PRKG1: variants seen among roughly 807,000 people sequenced by gnomAD.
The protein encoded by PRKG1 is protein kinase cGMP-dependent 1, also known as cGMP-dependent protein kinase 1.
Under a neutral mutation model 88.1 loss-of-function variants are expected in PRKG1, and 35 were observed. That is an observed-to-expected ratio of 0.40 (90% CI 0.30 to 0.53). The LOEUF is 0.53. PRKG1 is among the 20% of genes least tolerant of loss of function. PRKG1 has a pLI of 0.59. For synonymous variants in PRKG1, 303 were observed against 292.5 expected (o/e 1.04, Z -0.37); for missense variants, 540 against 839.8 (o/e 0.64, Z 4.41).
chr10:51,598,384 C>A (rs1352656608), intron 3 of PRKG1, among the ~76,000 whole-genome samples: 1 of 152,172 alleles, frequency 6.6e-6, no homozygotes, highest in Non-Finnish European at 1.5e-5. Context: ...AGAGATTCTC[C>A]TGCCTTAGCC....
intron 4 of PRKG1, among the ~76,000 whole-genome samples, chr10:51,823,140 T>C (rs190473968): frequency 7.2e-4 from 110 of 152,264 alleles, no homozygotes; most frequent in Non-Finnish European, 1.4e-3. Flanking sequence ...TAAATGTAGA[T>C]AGATACAACA....
At chr10:51,205,642 T>C (rs1044939354) in intron 2 of PRKG1, among the ~76,000 whole-genome samples, 7 of 151,944 alleles carry the variant, frequency 4.6e-5, no homozygotes, top group African/African-American at 1.5e-4. Context: ...TTCAAGTGAT[T>C]CTCCTGCCTC....
intron 9 of PRKG1, among the ~76,000 whole-genome samples, chr10:52,222,036 A>G (rs1840257577): frequency 6.6e-6 from 1 of 152,156 alleles, no homozygotes; most frequent in Non-Finnish European, 1.5e-5. Context: ...AGATGAGTGT[A>G]TTAGGTCACC....
chr10:51,239,379 A>AC (rs1238558782), intron 2 of PRKG1, among the ~76,000 whole-genome samples: 1 of 152,248 alleles, frequency 6.6e-6, no homozygotes, highest in Admixed American at 6.5e-5. Context: ...TATCACACTA[A>AC]CAAGTGTATA....
chr10:52,198,538 CATT>C (rs1287013631), intron 9 of PRKG1, among the ~76,000 whole-genome samples: 1 of 152,060 alleles, frequency 6.6e-6, no homozygotes, highest in African/African-American at 2.4e-5. Context: ...GTAGTAATGA[CATT>C]ATATTAGTTT....
intron 7 of PRKG1, among the ~76,000 whole-genome samples, chr10:52,121,943 G>A (rs538272730): frequency 6.6e-5 from 10 of 152,062 alleles, no homozygotes; most frequent in South Asian, 2.1e-4. Flanking sequence ...CTACTTCCAC[G>A]TTTTCAGATA....
chr10:51,905,189 G>A (rs1247950563), intron 4 of PRKG1, among the ~76,000 whole-genome samples: 3 of 152,078 alleles, frequency 2.0e-5, no homozygotes, highest in Admixed American at 1.3e-4. Context: ...ATGTGATATG[G>A]TCCATCCAGC....
intron 2 of PRKG1, among the ~76,000 whole-genome samples, chr10:51,402,428 T>C (rs1393613836): frequency 6.6e-6 from 1 of 152,222 alleles, no homozygotes; most frequent in Non-Finnish European, 1.5e-5. Context: ...GCATTTACCC[T>C]CTGCCATAGA....
intron 2 of PRKG1, among the ~76,000 whole-genome samples, chr10:51,171,816 C>G (rs933093139): frequency 1.2e-4 from 18 of 151,996 alleles, no homozygotes; most frequent in Admixed American, 1.2e-3. Flanking sequence ...GCCCACTGTT[C>G]CAGCACACAG....
At chr10:51,427,891 G>A (rs1838637709) in intron 2 of PRKG1, among the ~76,000 whole-genome samples, 1 of 152,152 alleles carries the variant, frequency 6.6e-6, no homozygotes, top group Non-Finnish European at 1.5e-5. Context: ...ACACCAGGTG[G>A]TGAAGAATTA....
At position 51,775,951 on chromosome 10, in the gene PRKG1, C is replaced by G. The variant is rs576982368; in HGVS notation, c.593-28634C>G. Among the ~76,000 whole-genome samples, 10 of 152,248 alleles carry G rather than the reference C, an allele frequency of 6.6e-5. No homozygotes were observed. In the East Asian group the frequency reaches 1.9e-3, roughly 29 times the overall value. ...ACCCTTTATATTATTTTCTCACGTT[C>G]TGTTTCCATTGTTATTCCTTTCTTT... On this transcript the variant is annotated intron_variant, in intron 3 of 17. Transcript: ENST00000373980.
rs181333187 is a variant in PRKG1, at chr10:52,025,429, T to A, written c.763-29055T>A. Among the ~76,000 whole-genome samples, 381 of 152,164 alleles carry A rather than the reference T, an allele frequency of 2.5e-3. 2 individuals carry two copies. Among genetic ancestry groups the A allele is most frequent in the African/African-American group, 8.5e-3 (354 of 41,542 alleles). On this transcript the variant is annotated intron_variant, in intron 5 of 17. Transcript: ENST00000373980. ...GCCTATGTCCTGAATGGTATTGCCT[T>A]GGTTTTCTTCTAGGGTTTTTATGGC...
intron 2 of PRKG1, among the ~76,000 whole-genome samples, chr10:51,199,291 ACT>A (rs1837852003): frequency 6.6e-6 from 1 of 152,166 alleles, no homozygotes; most frequent in Non-Finnish European, 1.5e-5. Context: ...TGTATGCATG[ACT>A]CTCAGTCAAA....
chr10:51,816,537 A>ATG (rs35430934), intron 4 of PRKG1, among the ~76,000 whole-genome samples: 69,077 of 145,550 alleles, frequency 0.47, 18,026 homozygotes, highest in East Asian at 0.64. Flanking sequence ...TAATTTTGGC[A>ATG]TGTGTGTGTG....
At chr10:51,893,385 TATAAG>T (rs1350928969) in intron 4 of PRKG1, among the ~76,000 whole-genome samples, 1 of 151,996 alleles carries the variant, frequency 6.6e-6, no homozygotes, top group African/African-American at 2.4e-5. Flanking sequence ...TTTTTTGAAA[TATAAG>T]ATGTGCTCCC....
At chr10:52,121,765 C>T (rs567387336) in intron 7 of PRKG1, among the ~76,000 whole-genome samples, 1 of 152,306 alleles carries the variant, frequency 6.6e-6, no homozygotes, top group South Asian at 2.1e-4. Flanking sequence ...ACATTTTAAT[C>T]ATGACCAATT....
intron 1 of PRKG1, among the ~76,000 whole-genome samples, chr10:51,065,430 G>A (rs532792071): frequency 3.4e-4 from 51 of 152,094 alleles, no homozygotes; most frequent in African/African-American, 1.1e-3. Context: ...GTGACAGGAA[G>A]AAAACATAGT....
In PRKG1 at chr10:51,285,567, A is replaced by G. The variant is rs139333329; in HGVS notation, c.478+132237A>G. On this transcript the variant is annotated intron_variant, in intron 2 of 17. Coordinates refer to ENST00000373980, the MANE Select transcript of PRKG1 (RefSeq NM_006258.4). Reference sequence around the variant, plus strand: ...TATTTTCCTTTAGACAAGAGAGGGTAATGTGTAGGTTGTAGGAGACGACTT... The same window carrying G: ...TATTTTCCTTTAGACAAGAGAGGGTGATGTGTAGGTTGTAGGAGACGACTT... 7.6e-3 allele frequency among the ~76,000 whole-genome samples: 1,162 copies of G among 152,282 alleles called. 4 individuals carry two copies. The highest frequency in any genetic ancestry group is 0.013 in the Admixed American group (196 of 15,308).
Position 52,294,044 on chromosome 10 carries a change from G to A in PRKG1, c.*144G>A. ...CGATGCTGCTCCAGTAACTACAGTG[G>A]CATTAGGACTTACCGCTTAGATGAC... On this transcript the variant is annotated 3_prime_UTR_variant, in exon 18 of 18. Coordinates refer to ENST00000373980, the MANE Select transcript of PRKG1 (RefSeq NM_006258.4). 3 of 620,884 alleles carry A rather than the reference G, an allele frequency of 4.8e-6. No individual in the cohort carries two copies. In the South Asian group the frequency reaches 6.7e-5, roughly 14 times the overall value. The allele number at this position is 620,884 out of a possible 1,614,324, so 38.5% of individuals were successfully genotyped here.
Sources: gnomAD v4.1 joint callset for allele counts (sites outside exome capture counted in the v4.1 genomes callset) on GRCh38, gnomAD v4.1.1 for gene constraint, MANE v1.5 for transcripts, NCBI Gene and HGNC (gene_info 2026-07-23, HGNC 2026-07-21) for gene names.